Variants in BANF2 observed in about 807,000 individuals in gnomAD.
BANF2 encodes the protein barrier-to-autointegration factor-like protein.
BANF2 carries 4 observed loss-of-function variants against 8.0 expected under a neutral mutation model. The observed-to-expected ratio is 0.50, with a 90% confidence interval of 0.25 to 1.14. The LOEUF (loss-of-function observed/expected upper bound fraction) is 1.14. BANF2 is among the 50% of genes most tolerant of loss of function. The probability of loss-of-function intolerance (pLI) is 0.16; values close to 1 mark genes in which losing one functional copy is unlikely to be tolerated. For synonymous variants in BANF2, 50 were observed against 40.6 expected (o/e 1.23, Z -0.88); for missense variants, 96 against 107.5 (o/e 0.89, Z 0.47).
At chr20:17,700,840 G>A (rs1009031047) in intron 1 of BANF2, among the ~76,000 whole-genome samples, 3 of 152,276 alleles carry the variant, frequency 2.0e-5, no homozygotes, top group Non-Finnish European at 4.4e-5. Context: ...AGGCACAGCT[G>A]CCTTCCCTAC....
intron 1 of BANF2, among the ~76,000 whole-genome samples, chr20:17,715,634 T>C (rs1189859239): frequency 1.3e-5 from 2 of 152,248 alleles, no homozygotes; most frequent in African/African-American, 4.8e-5. Flanking sequence ...GCCTAAGCCA[T>C]GGGCCTGACC....
At position 17,722,889 on chromosome 20, in the gene BANF2, G is replaced by A. The variant is rs2037752777; in HGVS notation, c.-4+11G>A. ...CGACTCTGTAGAAAGGTCTGGAGGA[G>A]GATGGGGACAGGAGAGGGGATGGGG... On this transcript the variant is annotated intron_variant, in intron 2 of 3. Coordinates refer to ENST00000246090, the MANE Select transcript of BANF2 (RefSeq NM_178477.5). The A allele has an allele frequency of 7.1e-6, 7 of 984,128 alleles. No homozygotes were observed. The highest frequency in any genetic ancestry group is 8.4e-6 in the Non-Finnish European group (7 of 828,692). The allele number at this position is 984,128 out of a possible 1,614,324, so 61.0% of individuals were successfully genotyped here.
chr20:17,702,338 A>T (rs1372265485), intron 1 of BANF2, among the ~76,000 whole-genome samples: 2 of 152,100 alleles, frequency 1.3e-5, no homozygotes, highest in Admixed American at 6.5e-5. Context: ...CCTCACTCTG[A>T]TGGGGCAAGA....
intron 3 of BANF2, among the ~76,000 whole-genome samples, chr20:17,733,216 GGAT>G (rs2037927680): frequency 6.6e-6 from 1 of 152,202 alleles, no homozygotes; most frequent in Non-Finnish European, 1.5e-5. Context: ...AACGGGCAGG[GGAT>G]GCATTAGCCT....
chr20:17,714,837 A>C (rs2037628209), intron 1 of BANF2, among the ~76,000 whole-genome samples: 2 of 152,146 alleles, frequency 1.3e-5, no homozygotes, highest in African/African-American at 4.8e-5. Flanking sequence ...AAATAGCCTC[A>C]TGTCAGTTCA....
chr20:17,724,926 C>A, intron 2 of BANF2, 97 bp from the exon 3 acceptor site: 1 of 1,279,042 alleles, frequency 7.8e-7, no homozygotes, highest in Non-Finnish European at 1.1e-6. Context: ...TCTGTTGCCC[C>A]AGTCCCTTGG....
At chr20:17,734,871 G>A (rs942629750) in intron 3 of BANF2, among the ~76,000 whole-genome samples, 9 of 152,158 alleles carry the variant, frequency 5.9e-5, no homozygotes, top group African/African-American at 1.2e-4. Context: ...TGGATCACCC[G>A]AGATCAGGAG....
intron 3 of BANF2, among the ~76,000 whole-genome samples, chr20:17,733,242 G>A (rs967709847): frequency 6.6e-6 from 1 of 152,220 alleles, no homozygotes; most frequent in African/African-American, 2.4e-5. Flanking sequence ...AGGCCAGACT[G>A]TGGACAGTTG....
intron 3 of BANF2, among the ~76,000 whole-genome samples, chr20:17,728,159 G>A (rs1057512349): frequency 2.6e-5 from 4 of 151,960 alleles, no homozygotes; most frequent in East Asian, 1.9e-4. Flanking sequence ...CCTGCTCCCC[G>A]TCCCACCCCA....
intron 3 of BANF2, among the ~76,000 whole-genome samples, chr20:17,732,927 C>A (rs1364016464): frequency 6.6e-6 from 1 of 152,174 alleles, no homozygotes; most frequent in Non-Finnish European, 1.5e-5. Flanking sequence ...GCCCACGACT[C>A]CAGCTTCCCT....
intron 3 of BANF2, among the ~76,000 whole-genome samples, chr20:17,729,175 A>G (rs890879279): frequency 1.3e-5 from 2 of 152,188 alleles, no homozygotes; most frequent in African/African-American, 2.4e-5. Context: ...GCACATGCCA[A>G]TGAGGCTCGC....
intron 2 of BANF2, 40 bp from the exon 3 acceptor site, chr20:17,724,982 AG>A: frequency 1.3e-6 from 2 of 1,576,734 alleles, no homozygotes; most frequent in Non-Finnish European, 1.7e-6. Flanking sequence ...GGGAGAAGTC[AG>A]GTATCTGCTA....
chr20:17,732,752 G>T (rs76969600), intron 3 of BANF2, among the ~76,000 whole-genome samples: 9,923 of 152,276 alleles, frequency 0.065, 325 homozygotes, highest in Middle Eastern at 0.11. Context: ...AGGGACAGCT[G>T]CTCAGGGTTT....
chr20:17,708,261 C>CAA (rs2037516013), intron 1 of BANF2, among the ~76,000 whole-genome samples: 1 of 151,870 alleles, frequency 6.6e-6, no homozygotes, highest in African/African-American at 2.4e-5. Context: ...AACCTGAGAT[C>CAA]CCTGATCCAC....
chr20:17,701,383 T>C (rs2037406560), intron 1 of BANF2, among the ~76,000 whole-genome samples: 1 of 151,620 alleles, frequency 6.6e-6, no homozygotes, highest in South Asian at 2.1e-4. Context: ...TCTACAGACA[T>C]AGAAACTGAA....
intron 1 of BANF2, among the ~76,000 whole-genome samples, chr20:17,713,551 C>T (rs1014931273): frequency 4.6e-5 from 7 of 152,078 alleles, no homozygotes; most frequent in African/African-American, 1.7e-4. Flanking sequence ...CTAAGATAGT[C>T]CAGGCGCAGT....
chr20:17,707,219 T>TAA lies in BANF2; in HGVS notation c.-167+7175_-167+7176dup, dbSNP rs11385268. ...TAACACAGTGAAACCCCATCTCTAC[T>TAA]AAAAAAAAAAAATACAAAAAATTAA... On this transcript the variant is annotated intron_variant, in intron 1 of 3. Transcript: ENST00000246090. Among the ~76,000 whole-genome samples, 796 of 145,996 alleles carry TAA rather than the reference T, an allele frequency of 5.5e-3. 10 individuals carry two copies. The highest frequency in any genetic ancestry group is 0.038 in the East Asian group (187 of 4,982).
rs144968177 is a variant in BANF2, at chr20:17,713,260, T to TGA, written c.-166-9435_-166-9434dup. Among the ~76,000 whole-genome samples, 241 of 144,940 alleles carry TGA rather than the reference T, an allele frequency of 1.7e-3. 1 individual carries two copies. Among genetic ancestry groups the TGA allele is most frequent in the African/African-American group, 3.6e-3 (143 of 39,332 alleles). ...AAGACTCCATTTTAAAAAGAAAGAA[T>TGA]GAGAGAGAGAGAGAGAGAGAGATCC... On this transcript the variant is annotated intron_variant, in intron 1 of 3. Transcript: ENST00000246090.
At chr20:17,711,816 T>TGCACCAGCTGGTC (rs1033599154) in intron 1 of BANF2, among the ~76,000 whole-genome samples, 3 of 152,166 alleles carry the variant, frequency 2.0e-5, no homozygotes, top group African/African-American at 7.2e-5. Context: ...AGCAGCTGGG[T>TGCACCAGCTGGTC]GCACCAGCTG....
Sources: gnomAD v4.1 joint callset for allele counts (sites outside exome capture counted in the v4.1 genomes callset) on GRCh38, gnomAD v4.1.1 for gene constraint, MANE v1.5 for transcripts, NCBI Gene and HGNC (gene_info 2026-07-23, HGNC 2026-07-21) for gene names.